Variants in KLF12 observed in about 807,000 individuals in gnomAD.
KLF12 encodes the protein KLF transcription factor 12, also known as Krueppel-like factor 12.
Under a neutral mutation model 37.8 loss-of-function variants are expected in KLF12, and 9 were observed. The ratio of observed to expected loss-of-function variants is 0.24; its 90% CI spans 0.14 to 0.42. KLF12 has a LOEUF of 0.42. Among genes scored for constraint, KLF12 ranks in the 10% least tolerant of loss-of-function variants. KLF12 has a pLI of 1.00. For missense variants in KLF12, 411 were observed against 516.0 expected (o/e 0.80, Z 1.97); for synonymous variants, 208 against 202.1 (o/e 1.03, Z -0.25).
At chr13:74,303,459 A>G in the KLF12 span, among the ~76,000 whole-genome samples, 1 of 152,114 alleles carries the variant, frequency 6.6e-6, no homozygotes, top group African/African-American at 2.4e-5. Context: ...TTTCTTTCTA[A>G]TAGTGACCCC....
At chr13:74,079,907 G>T (rs1033563634) in intron 1 of KLF12, among the ~76,000 whole-genome samples, 2 of 152,106 alleles carry the variant, frequency 1.3e-5, no homozygotes, top group Non-Finnish European at 2.9e-5. Flanking sequence ...TAAAAGCAGG[G>T]TCCCTTGCTA....
chr13:74,179,739 C>T, the KLF12 span, among the ~76,000 whole-genome samples: 12 of 152,214 alleles, frequency 7.9e-5, no homozygotes, highest in Middle Eastern at 3.4e-3. Flanking sequence ...GCTAGAAAAC[C>T]GACAGCTTTA....
chr13:73,831,681 T>C (rs1293169347), intron 4 of KLF12, among the ~76,000 whole-genome samples: 1 of 152,226 alleles, frequency 6.6e-6, no homozygotes, highest in African/African-American at 2.4e-5. Context: ...TTTTCTTTGC[T>C]GGCTGCCACT....
At chr13:74,288,169 C>T in the KLF12 span, among the ~76,000 whole-genome samples, 1 of 152,026 alleles carries the variant, frequency 6.6e-6, no homozygotes, top group African/African-American at 2.4e-5. Flanking sequence ...CTAAAATAAC[C>T]CAATGGATTT....
the KLF12 span, among the ~76,000 whole-genome samples, chr13:74,241,730 C>G: frequency 6.6e-6 from 1 of 152,208 alleles, no homozygotes; most frequent in Non-Finnish European, 1.5e-5. Context: ...CCGTCCGTCA[C>G]CCCTTTCTTT....
chr13:73,862,520 C>G (rs904626180), intron 3 of KLF12, among the ~76,000 whole-genome samples: 3 of 152,084 alleles, frequency 2.0e-5, no homozygotes, highest in African/African-American at 7.2e-5. Flanking sequence ...TGTATGCCCA[C>G]AGCAGATCAG....
the KLF12 span, among the ~76,000 whole-genome samples, chr13:74,216,557 C>T: frequency 8.6e-4 from 131 of 152,268 alleles, 2 homozygotes; most frequent in East Asian, 0.02. Context: ...AGTGCTTCTG[C>T]GTTCTTCAAT....
intron 1 of KLF12, among the ~76,000 whole-genome samples, chr13:74,037,140 T>C (rs962176466): frequency 2.7e-5 from 4 of 149,742 alleles, no homozygotes; most frequent in East Asian, 3.9e-4. Flanking sequence ...GAGGCGGAGG[T>C]TGCAGTGAGC....
chr13:73,933,083 A>G (rs1294560429), intron 3 of KLF12, among the ~76,000 whole-genome samples: 2 of 152,186 alleles, frequency 1.3e-5, no homozygotes, highest in Admixed American at 6.5e-5. Context: ...CTGCAACTTT[A>G]TTTACTAATA....
rs10678885 is a variant in KLF12 at position 74,051,341 on chromosome 13, A to AACACACACACACACAC, written c.-31-56304_-31-56289dup. Among the ~76,000 whole-genome samples the AACACACACACACACAC allele has an allele frequency of 3.1e-3, 448 of 143,762 alleles. 2 individuals are homozygous for AACACACACACACACAC. Among genetic ancestry groups the AACACACACACACACAC allele is most frequent in the Non-Finnish European group, 4.8e-3 (318 of 66,254 alleles). 94.3% of individuals were successfully genotyped at this position (143,762 alleles called of 152,430 possible). ...TGGTGTGTGTATACATACACACACA[A>AACACACACACACACAC]ACACACACACACACACACACACACA... is the stretch of plus-strand genomic sequence containing the variant. On this transcript the variant is annotated intron_variant, in intron 1 of 7. Coordinates refer to ENST00000377669, the MANE Select transcript of KLF12 (RefSeq NM_007249.5).
At chr13:74,028,863 T>G (rs1893043220) in intron 1 of KLF12, among the ~76,000 whole-genome samples, 2 of 151,992 alleles carry the variant, frequency 1.3e-5, no homozygotes, top group African/African-American at 4.8e-5. Context: ...GCATACCTTA[T>G]ATGATCAATT....
chr13:74,083,666 T>C (rs1002526785), intron 1 of KLF12, among the ~76,000 whole-genome samples: 7 of 152,226 alleles, frequency 4.6e-5, no homozygotes, highest in East Asian at 3.8e-4. Context: ...CCAGTTAATA[T>C]TGAATTGAGA....
the KLF12 span, among the ~76,000 whole-genome samples, chr13:74,255,797 T>A: frequency 3.3e-5 from 5 of 152,218 alleles, no homozygotes; most frequent in Non-Finnish European, 7.3e-5. Flanking sequence ...ATAAAATGTT[T>A]TTAGATTCCA....
chr13:74,215,407 A>C, the KLF12 span, among the ~76,000 whole-genome samples: 1 of 95,418 alleles, frequency 1.0e-5, no homozygotes, highest in Non-Finnish European at 2.2e-5. Context: ...ACCCTACCAT[A>C]TTCTCATTTC....
At chr13:74,119,203 C>T (rs576891957) in intron 1 of KLF12, among the ~76,000 whole-genome samples, 2 of 152,018 alleles carry the variant, frequency 1.3e-5, no homozygotes, top group African/African-American at 2.4e-5. Context: ...TGTGGTGGCA[C>T]GTGCCTGTAA....
chr13:73,732,751 A>G (rs368597125), intron 6 of KLF12, among the ~76,000 whole-genome samples: 7 of 151,768 alleles, frequency 4.6e-5, no homozygotes, highest in African/African-American at 1.7e-4. Context: ...ACTCAAATCT[A>G]TTTCAAACTC....
chr13:74,197,033 A>C, the KLF12 span, among the ~76,000 whole-genome samples: 1 of 152,284 alleles, frequency 6.6e-6, no homozygotes, highest in East Asian at 1.9e-4. Flanking sequence ...GGCTCTGAGC[A>C]AAAATTTCAG....
the KLF12 span, among the ~76,000 whole-genome samples, chr13:74,181,152 C>T: frequency 6.6e-6 from 1 of 151,768 alleles, no homozygotes; most frequent in African/African-American, 2.4e-5. Context: ...GCATGCGCCA[C>T]CATGCCTGGC....
intron 1 of KLF12, among the ~76,000 whole-genome samples, chr13:74,079,795 T>C (rs1336127294): frequency 6.6e-6 from 1 of 152,196 alleles, no homozygotes; most frequent in East Asian, 1.9e-4. Context: ...TATAAAATGG[T>C]ACAACTGCTA....
Sources: gnomAD v4.1 joint callset for allele counts (sites outside exome capture counted in the v4.1 genomes callset) on GRCh38, gnomAD v4.1.1 for gene constraint, MANE v1.5 for transcripts, NCBI Gene and HGNC (gene_info 2026-07-23, HGNC 2026-07-21) for gene names.